Variants in NDUFAF6 observed in about 807,000 individuals in gnomAD.
NDUFAF6 encodes the protein NADH:ubiquinone oxidoreductase complex assembly factor 6.
NDUFAF6 carries 45 observed loss-of-function variants against 40.8 expected under a neutral mutation model. The ratio of observed to expected loss-of-function variants is 1.10; its 90% confidence interval spans 0.87 to 1.42. The LOEUF (loss-of-function observed/expected upper bound fraction) is 1.42, where lower values mean the gene tolerates loss of function less well. NDUFAF6 is among the 40% of genes most tolerant of loss of function. NDUFAF6 has a pLI of 0.00. For synonymous variants in NDUFAF6, 185 were observed against 155.9 expected, an observed-to-expected ratio of 1.19 and a Z score of -1.39; for missense variants, 435 against 418.5, an observed-to-expected ratio of 1.04 and a Z score of -0.34.
At chr8:95,057,014 C>T (rs1402771559) in intron 8 of NDUFAF6, among the ~76,000 whole-genome samples, 1 of 151,774 alleles carries the variant, frequency 6.6e-6, no homozygotes, top group African/African-American at 2.4e-5. Context: ...TTGTTCTCAT[C>T]TGCATATTCT....
chr8:95,004,969 C>T (rs754849969), intron 2 of NDUFAF6, among the ~76,000 whole-genome samples: 8 of 151,838 alleles, frequency 5.3e-5, no homozygotes, highest in Non-Finnish European at 8.8e-5. Context: ...ATCTGTAGGC[C>T]CAAGTAAGGG....
upstream of NDUFAF6, among the ~76,000 whole-genome samples, chr8:95,024,637 G>A (rs73697058): frequency 0.018 from 2,678 of 152,360 alleles, 65 homozygotes; most frequent in African/African-American, 0.061. Flanking sequence ...AACAGTGCAA[G>A]GTGTTCTGTT....
chr8:94,923,911 A>G (rs1260051686), intron 1 of NDUFAF6, among the ~76,000 whole-genome samples: 1 of 151,174 alleles, frequency 6.6e-6, no homozygotes, highest in East Asian at 2.0e-4. Flanking sequence ...GCTGGTCTCA[A>G]ACTCCTGACC....
intron 1 of NDUFAF6, among the ~76,000 whole-genome samples, chr8:94,938,707 G>A (rs954614838): frequency 7.9e-5 from 12 of 152,338 alleles, no homozygotes; most frequent in South Asian, 2.1e-4. Context: ...GGAGGTTCCC[G>A]GAGGGTGGGG....
chr8:95,059,856 A>G (rs1832525089), downstream of NDUFAF6, among the ~76,000 whole-genome samples: 1 of 151,608 alleles, frequency 6.6e-6, no homozygotes, highest in Non-Finnish European at 1.5e-5. Flanking sequence ...CTCAAAAAAA[A>G]AGAAAAAAGA....
At chr8:94,928,068 C>T (rs927416335) in intron 1 of NDUFAF6, 1 of 152,130 alleles carries the variant, frequency 6.6e-6, no homozygotes, top group Non-Finnish European at 1.5e-5. Flanking sequence ...TAACCATTTT[C>T]TTCAATACTT....
chr8:94,942,789 G>T (rs1184980323), intron 1 of NDUFAF6, among the ~76,000 whole-genome samples: 1 of 152,176 alleles, frequency 6.6e-6, no homozygotes, highest in Non-Finnish European at 1.5e-5. Flanking sequence ...GGAGGAAGGG[G>T]GCAAAGGAAC....
At chr8:94,940,206 A>T (rs1427670948) in intron 1 of NDUFAF6, 1 of 1,610,646 alleles carries the variant, frequency 6.2e-7, no homozygotes, top group South Asian at 1.1e-5. Flanking sequence ...TCTGCTGAGA[A>T]ACCAGTGCAA....
At chr8:94,920,205 A>G (rs533574608) in intron 1 of NDUFAF6, among the ~76,000 whole-genome samples, 2 of 152,318 alleles carry the variant, frequency 1.3e-5, no homozygotes, top group African/African-American at 4.8e-5. Context: ...TCTGGATATA[A>G]CTCGGTGTCT....
At chr8:95,085,297 G>A (rs60955974) in intron 2 of NDUFAF6, among the ~76,000 whole-genome samples, 2 of 152,040 alleles carry the variant, frequency 1.3e-5, no homozygotes, top group African/African-American at 2.4e-5. Context: ...CTTTAACTAC[G>A]GAAGAGGAAT....
chr8:94,992,283 T>C (rs1826230187), intron 2 of NDUFAF6, among the ~76,000 whole-genome samples: 2 of 152,118 alleles, frequency 1.3e-5, no homozygotes, highest in African/African-American at 4.8e-5. Flanking sequence ...AGGTCAGAGT[T>C]TGAGACCAGC....
intron 3 of NDUFAF6, among the ~76,000 whole-genome samples, chr8:95,041,084 G>A (rs1439327075): frequency 1.3e-5 from 2 of 152,156 alleles, no homozygotes; most frequent in Non-Finnish European, 2.9e-5. Flanking sequence ...CGTATAATGA[G>A]TAAGTATAGA....
intron 2 of NDUFAF6, chr8:94,988,868 T>C (rs114082789): frequency 6.6e-6 from 1 of 152,196 alleles, no homozygotes; most frequent in Non-Finnish European, 1.5e-5. Flanking sequence ...GAATGAAGTA[T>C]GGACATGTGC....
At chr8:95,003,770 C>T (rs192729321) in intron 2 of NDUFAF6, among the ~76,000 whole-genome samples, 3 of 152,324 alleles carry the variant, frequency 2.0e-5, no homozygotes, top group African/African-American at 7.2e-5. Context: ...TCCAAACTCT[C>T]TAGCTACTAA....
At chr8:95,045,520 T>G in intron 4 of NDUFAF6, 25 bp from the exon 5 acceptor site, 1 of 1,545,666 alleles carries the variant, frequency 6.5e-7, no homozygotes. Context: ...TTCAACAGAC[T>G]TTATTTGCAT....
chr8:94,962,607 TTG>T (rs113735322), intron 1 of NDUFAF6, among the ~76,000 whole-genome samples: 67,365 of 144,012 alleles, frequency 0.47, 15,404 homozygotes, highest in East Asian at 0.72. Context: ...CTTCTGTTTT[TTG>T]TTTTTTGTTT....
At chr8:94,983,369 A>G (rs571938803) in intron 2 of NDUFAF6, among the ~76,000 whole-genome samples, 5 of 149,700 alleles carry the variant, frequency 3.3e-5, no homozygotes, top group South Asian at 4.2e-4. Context: ...GGCTCAAGCA[A>G]TTCTCCTGTC....
intron 1 of NDUFAF6, among the ~76,000 whole-genome samples, chr8:94,898,015 G>A (rs1015510064): frequency 1.3e-5 from 2 of 152,074 alleles, no homozygotes; most frequent in African/African-American, 4.8e-5. Flanking sequence ...TAAATACCAG[G>A]CTTTTAAAAA....
chr8:94,963,005 G>A (rs774430831), intron 1 of NDUFAF6, among the ~76,000 whole-genome samples: 49 of 151,202 alleles, frequency 3.2e-4, no homozygotes, highest in Non-Finnish European at 6.3e-4. Context: ...TGGCCAGGCT[G>A]GTCTGGAACT....
Sources: gnomAD v4.1 joint callset for allele counts (sites outside exome capture counted in the v4.1 genomes callset) on GRCh38, gnomAD v4.1.1 for gene constraint, MANE v1.5 for transcripts, NCBI Gene and HGNC (gene_info 2026-07-23, HGNC 2026-07-21) for gene names.